INSL6: variants seen among roughly 807,000 people sequenced by gnomAD.
INSL6 encodes the protein insulin like 6.
A neutral mutation model predicts 9.4 loss-of-function variants in INSL6; 16 were observed. That is an observed-to-expected ratio of 1.70 (90% confidence interval 1.15 to 2.59). The LOEUF (loss-of-function observed/expected upper bound fraction) is 2.59, where lower values mean the gene tolerates loss of function less well. Among genes scored for constraint, INSL6 ranks in the 30% most tolerant of loss-of-function variants. The probability of loss-of-function intolerance (pLI) is 0.00; values close to 1 mark genes in which losing one functional copy is unlikely to be tolerated. For missense variants in INSL6, 391 were observed against 257.3 expected (o/e 1.52, Z -3.56); for synonymous variants, 154 against 96.9 (o/e 1.59, Z -3.46).
the INSL6 span, chr9:5,112,728 A>G: frequency 1.2e-5 from 9 of 758,286 alleles, no homozygotes; most frequent in Non-Finnish European, 1.6e-5. Context: ...CTGAATCCCA[A>G]AACAGCCTGT....
chr9:5,113,511 C>A, the INSL6 span: 5 of 153,444 alleles, frequency 3.3e-5, no homozygotes, highest in African/African-American at 1.2e-4. Flanking sequence ...GAGGGTGACT[C>A]CCCTGGTGGG....
chr9:5,040,292 C>CA, the INSL6 span, among the ~76,000 whole-genome samples: 15,658 of 137,958 alleles, frequency 0.11, 2,057 homozygotes, highest in African/African-American at 0.33. Context: ...ACACTATATA[C>CA]AAAAAAAAAA....
chr9:4,995,558 A>G, the INSL6 span, among the ~76,000 whole-genome samples: 1 of 152,170 alleles, frequency 6.6e-6, no homozygotes, highest in East Asian at 1.9e-4. Flanking sequence ...TAAATTGTGT[A>G]TGTAGTTGGA....
intron 3 of INSL6, among the ~76,000 whole-genome samples, chr9:5,133,235 C>G (rs1303235677): frequency 6.7e-6 from 1 of 149,060 alleles, no homozygotes; most frequent in Non-Finnish European, 1.5e-5. Flanking sequence ...GAGGATAATG[C>G]AAAAAAAAAG....
downstream of INSL6, among the ~76,000 whole-genome samples, chr9:5,159,668 T>C (rs1217321369): frequency 2.6e-5 from 4 of 152,334 alleles, no homozygotes; most frequent in East Asian, 7.7e-4. Flanking sequence ...TTGTTGGAGC[T>C]AATGAGAGAG....
chr9:5,117,920 A>C, the INSL6 span, among the ~76,000 whole-genome samples: 2 of 152,232 alleles, frequency 1.3e-5, no homozygotes, highest in Non-Finnish European at 1.5e-5. Context: ...CCTTTTAAGT[A>C]TATATGCTCA....
the INSL6 span, among the ~76,000 whole-genome samples, chr9:5,001,150 A>G: frequency 6.6e-6 from 1 of 152,176 alleles, no homozygotes; most frequent in Non-Finnish European, 1.5e-5. Flanking sequence ...TGCAAATAAA[A>G]AGTTTTATTT....
the INSL6 span, among the ~76,000 whole-genome samples, chr9:5,036,764 A>T: frequency 2.0e-5 from 3 of 152,230 alleles, no homozygotes; most frequent in African/African-American, 7.2e-5. Flanking sequence ...AAACCCTAGA[A>T]GAAAACCTAG....
the INSL6 span, chr9:5,044,600 A>C: frequency 1.1e-6 from 1 of 875,550 alleles, no homozygotes; most frequent in African/African-American, 1.7e-5. Flanking sequence ...ATCAGGAAAA[A>C]CTTTACATAT....
chr9:5,022,279 C>A, the INSL6 span: 1 of 1,029,376 alleles, frequency 9.7e-7, no homozygotes, highest in Non-Finnish European at 1.5e-6. Flanking sequence ...TATGCTAATA[C>A]TAGGTACATG....
chr9:5,165,760 T>G (rs1039139734), intron 1 of INSL6, among the ~76,000 whole-genome samples: 3 of 152,220 alleles, frequency 2.0e-5, no homozygotes, highest in African/African-American at 7.2e-5. Context: ...TTAGCAATAC[T>G]GGATACTGGA....
chr9:5,039,672 G>T, the INSL6 span, among the ~76,000 whole-genome samples: 15 of 151,972 alleles, frequency 9.9e-5, no homozygotes, highest in Non-Finnish European at 1.9e-4. Context: ...ATAAAAATCA[G>T]TTGTATTTCT....
the INSL6 span, chr9:5,111,631 C>T: frequency 2.7e-6 from 1 of 375,392 alleles, no homozygotes; most frequent in Non-Finnish European, 5.2e-6. Flanking sequence ...CCATGCTGGG[C>T]GGGGGCTCAT....
chr9:5,120,369 A>G (rs1372473593), downstream of INSL6, among the ~76,000 whole-genome samples: 2 of 152,212 alleles, frequency 1.3e-5, no homozygotes, highest in Non-Finnish European at 2.9e-5. Context: ...CAAACACTAA[A>G]TCTGAAGTCT....
chr9:5,023,923 TGTAAGATATTTTTTAGCTA>T, the INSL6 span, among the ~76,000 whole-genome samples: 1 of 152,054 alleles, frequency 6.6e-6, no homozygotes, highest in Non-Finnish European at 1.5e-5. Flanking sequence ...TTTTTTAGCT[TGTAAGATATTTTTTAGCTA>T]GTAAGATTTT....
intron 2 of INSL6, among the ~76,000 whole-genome samples, chr9:5,153,795 A>G (rs1824762040): frequency 6.6e-6 from 1 of 152,246 alleles, no homozygotes; most frequent in Non-Finnish European, 1.5e-5. Context: ...AAGGAGAACT[A>G]CAAACCACTG....
At chr9:5,183,848 C>T (rs895636398) in intron 1 of INSL6, among the ~76,000 whole-genome samples, 1 of 152,108 alleles carries the variant, frequency 6.6e-6, no homozygotes, top group African/African-American at 2.4e-5. Context: ...CTAGCAGCAC[C>T]TGGGAGCTAG....
At chr9:5,149,199 G>C (rs572289045) in intron 2 of INSL6, among the ~76,000 whole-genome samples, 2 of 152,236 alleles carry the variant, frequency 1.3e-5, no homozygotes, top group Non-Finnish European at 2.9e-5. Context: ...GGTACATGGC[G>C]AGAGTGCCTT....
At chr9:5,097,390 C>T in the INSL6 span, 1 of 152,242 alleles carries the variant, frequency 6.6e-6, no homozygotes, top group East Asian at 1.9e-4. Context: ...AGTTTATATC[C>T]TTATTCTATC....
Sources: gnomAD v4.1 joint callset for allele counts (sites outside exome capture counted in the v4.1 genomes callset) on GRCh38, gnomAD v4.1.1 for gene constraint, MANE v1.5 for transcripts, NCBI Gene and HGNC (gene_info 2026-07-23, HGNC 2026-07-21) for gene names.